VPS8: variants seen among roughly 807,000 people sequenced by gnomAD.
VPS8 encodes vacuolar protein sorting-associated protein 8 homolog.
Under a neutral mutation model 216.4 loss-of-function variants are expected in VPS8, and 129 were observed. The observed-to-expected ratio is 0.60, with a 90% confidence interval of 0.52 to 0.69. The LOEUF (loss-of-function observed/expected upper bound fraction) is 0.69, where lower values mean the gene tolerates loss of function less well. Ranked by LOEUF, VPS8 falls within the 30% of genes least tolerant of loss-of-function variation. The pLI, the probability that VPS8 is intolerant of heterozygous loss-of-function variation, is 0.00. For synonymous variants in VPS8, 571 were observed against 565.4 expected, an observed-to-expected ratio of 1.01 and a Z score of -0.14; for missense variants, 1,531 against 1,683.5, an observed-to-expected ratio of 0.91 and a Z score of 1.59.
At chr3:184,885,663 T>C (rs1472939751) in intron 21 of VPS8, among the ~76,000 whole-genome samples, 1 of 152,218 alleles carries the variant, frequency 6.6e-6, no homozygotes, top group African/African-American at 2.4e-5. Context: ...GTGAGACGAA[T>C]GCATATTTTC....
At chr3:184,922,337 T>A in intron 29 of VPS8, 1 of 411,972 alleles carries the variant, frequency 2.4e-6, no homozygotes, top group South Asian at 1.8e-5. Context: ...TATTTTCTTA[T>A]CTGTCTTATG....
chr3:184,877,838 A>G (rs1023576764), intron 21 of VPS8, among the ~76,000 whole-genome samples: 2 of 152,242 alleles, frequency 1.3e-5, no homozygotes, highest in African/African-American at 2.4e-5. Flanking sequence ...ATTGAAATAT[A>G]TGAAAAAGAA....
intron 39 of VPS8, 90 bp from the exon 40 acceptor site, chr3:184,971,559 G>A: frequency 1.2e-6 from 1 of 864,080 alleles, no homozygotes; most frequent in East Asian, 2.9e-5. Flanking sequence ...TGAAGGTGAT[G>A]CAAAGAAAAA....
At chr3:184,904,743 T>C (rs1357884644) in intron 25 of VPS8, among the ~76,000 whole-genome samples, 2 of 152,200 alleles carry the variant, frequency 1.3e-5, no homozygotes, top group Admixed American at 6.5e-5. Flanking sequence ...AAGTATTCTC[T>C]CTTTTATTTT....
intron 5 of VPS8, among the ~76,000 whole-genome samples, chr3:184,837,476 A>G (rs1721316928): frequency 6.6e-6 from 1 of 152,184 alleles, no homozygotes; most frequent in Non-Finnish European, 1.5e-5. Flanking sequence ...CAAATCAGTC[A>G]TTTATTAACT....
At chr3:184,998,785 A>C (rs930892465) in intron 44 of VPS8, among the ~76,000 whole-genome samples, 2 of 152,110 alleles carry the variant, frequency 1.3e-5, no homozygotes, top group African/African-American at 4.8e-5. Context: ...ACATTTTTGT[A>C]AATGTTTAAT....
chr3:185,010,032 A>G (rs1270605042), intron 45 of VPS8, among the ~76,000 whole-genome samples: 1 of 151,818 alleles, frequency 6.6e-6, no homozygotes, highest in Non-Finnish European at 1.5e-5. Context: ...GATTAGATTG[A>G]ACAATGTCCC....
At chr3:184,998,753 G>T (rs146560373) in intron 44 of VPS8, among the ~76,000 whole-genome samples, 1 of 151,948 alleles carries the variant, frequency 6.6e-6, no homozygotes, top group Non-Finnish European at 1.5e-5. Flanking sequence ...TAAGAATAGC[G>T]TAAGGATTTA....
chr3:184,865,315 A>G (rs1727133206), intron 16 of VPS8, among the ~76,000 whole-genome samples: 1 of 152,218 alleles, frequency 6.6e-6, no homozygotes, highest in South Asian at 2.1e-4. Flanking sequence ...CACAACTAAA[A>G]TAAACTGTAT....
At chr3:185,045,176 T>TAGGAGGCTTCTAGAATACCGAAAAAA (rs1268923437) in intron 46 of VPS8, among the ~76,000 whole-genome samples, 1 of 151,256 alleles carries the variant, frequency 6.6e-6, no homozygotes, top group East Asian at 1.9e-4. Context: ...GCCACCAGTG[T>TAGGAGGCTTCTAGAATACCGAAAAAA]CAATACAAAG....
At chr3:184,991,476 A>G (rs1295624174) in intron 42 of VPS8, among the ~76,000 whole-genome samples, 1 of 152,186 alleles carries the variant, frequency 6.6e-6, no homozygotes, top group Non-Finnish European at 1.5e-5. Context: ...TTGCTTTTAA[A>G]TTATGTATAT....
chr3:185,049,947 C>A (rs13316754), intron 47 of VPS8, among the ~76,000 whole-genome samples: 34 of 151,722 alleles, frequency 2.2e-4, no homozygotes, highest in African/African-American at 8.2e-4. Flanking sequence ...ATTGAACTGG[C>A]CTCACCCCCA....
intron 22 of VPS8, among the ~76,000 whole-genome samples, chr3:184,890,837 G>T (rs975824785): frequency 1.3e-5 from 2 of 151,326 alleles, no homozygotes. Context: ...TTCATAATTT[G>T]GTCTCTGTTC....
intron 46 of VPS8, among the ~76,000 whole-genome samples, chr3:185,042,942 C>T (rs1418729270): frequency 6.6e-6 from 1 of 152,060 alleles, no homozygotes; most frequent in African/African-American, 2.4e-5. Context: ...GGGACATTTT[C>T]TTTTGTGAGG....
At position 184,971,669 on chromosome 3, in the gene VPS8, T is replaced by C. The variant is rs368762797; in HGVS notation, c.3337T>C (p.Leu1113=). 146 of 1,612,640 alleles carry C rather than the reference T, an allele frequency of 9.1e-5. No homozygotes were observed. Among genetic ancestry groups the C allele is most frequent in the Non-Finnish European group, 1.2e-4 (138 of 1,179,174 alleles). Residue 1113 remains leucine (L), a synonymous_variant, in exon 40 of 48, where the codon TTG becomes CTG. Coordinates refer to ENST00000625842, the MANE Select transcript of VPS8 (RefSeq NM_001009921.3). ...QGENTKEDPS[L]KDVEDTMVET... The stretch of plus-strand genomic sequence containing the variant: ...TCTAGATACCAAAGAGGATCCCTCA[T>C]TGAAGGATGTTGAAGATACTATGGT...
intron 45 of VPS8, among the ~76,000 whole-genome samples, chr3:185,022,669 A>C (rs73067327): frequency 6.6e-6 from 1 of 152,204 alleles, no homozygotes; most frequent in Admixed American, 6.5e-5. Flanking sequence ...CATTGCTGAT[A>C]CTGGTAATTT....
At chr3:184,875,557 C>T (rs559025684) in intron 21 of VPS8, among the ~76,000 whole-genome samples, 90 of 152,156 alleles carry the variant, frequency 5.9e-4, no homozygotes, top group African/African-American at 2.2e-3. Flanking sequence ...TCCTCATATG[C>T]GTTTATATAT....
intron 44 of VPS8, 36 bp downstream of exon 44, chr3:184,996,537 A>C (rs772420256): frequency 6.4e-7 from 1 of 1,555,014 alleles, no homozygotes; most frequent in Non-Finnish European, 8.7e-7. Flanking sequence ...TGTATGGTAC[A>C]TGTACATCTG....
At chr3:185,013,552 G>A (rs894668425) in intron 45 of VPS8, among the ~76,000 whole-genome samples, 1 of 152,162 alleles carries the variant, frequency 6.6e-6, no homozygotes, top group Non-Finnish European at 1.5e-5. Flanking sequence ...TTAAATATTT[G>A]TTCTTTAATT....
Sources: gnomAD v4.1 joint callset for allele counts (sites outside exome capture counted in the v4.1 genomes callset) on GRCh38, gnomAD v4.1.1 for gene constraint, MANE v1.5 for transcripts, NCBI Gene and HGNC (gene_info 2026-07-23, HGNC 2026-07-21) for gene names.